Variants in NUDC observed in about 807,000 individuals in gnomAD.
The protein encoded by NUDC is nuclear distribution C, dynein complex regulator, also known as nuclear migration protein nudC.
In NUDC, 14 loss-of-function variants were observed where a neutral mutation model predicts 45.0. The observed-to-expected ratio is 0.31, with a 90% CI of 0.21 to 0.49. NUDC has a LOEUF of 0.49. Among genes scored for constraint, NUDC ranks in the 20% least tolerant of loss-of-function variants. The pLI, the probability that NUDC is intolerant of heterozygous loss-of-function variation, is 0.99. For synonymous variants in NUDC, 153 were observed against 156.7 expected, an observed-to-expected ratio of 0.98 and a Z score of 0.17; for missense variants, 323 against 426.2, an observed-to-expected ratio of 0.76 and a Z score of 2.13.
upstream of NUDC, among the ~76,000 whole-genome samples, chr1:26,921,281 G>A (rs1177026239): frequency 6.6e-6 from 1 of 152,192 alleles, no homozygotes; most frequent in Non-Finnish European, 1.5e-5. Context: ...CCTGGGTGCT[G>A]TGCGACTGCA....
chr1:26,921,782 C>G lies in NUDC; in HGVS notation c.-67C>G. The G allele has an allele frequency of 8.0e-6, 12 of 1,504,724 alleles. No individual in the cohort carries two copies. The highest frequency in any genetic ancestry group is 1.2e-5 in the South Asian group (1 of 83,082). 93.2% of individuals were successfully genotyped at this position (1,504,724 alleles called of 1,614,324 possible). A position where few individuals can be genotyped will look rare whatever the true frequency, so the allele number is the denominator to read the frequency against. On this transcript the variant is annotated 5_prime_UTR_variant, in exon 1 of 9. Transcript: ENST00000321265. ...ACTAGAGTCGTTGGGCCCGGCGCGA[C>G]CCGCAGGAGCGTAGAGAGCGCGGGA... is the stretch of plus-strand genomic sequence containing the variant.
At chr1:26,943,879 A>G (rs1166200825) in intron 6 of NUDC, among the ~76,000 whole-genome samples, 1 of 151,828 alleles carries the variant, frequency 6.6e-6, no homozygotes, top group Non-Finnish European at 1.5e-5. Flanking sequence ...GGCTGCCTTC[A>G]CTCACTCACC....
chr1:26,913,233 G>C (rs2082038737), intron 3 of NUDC, among the ~76,000 whole-genome samples: 1 of 152,116 alleles, frequency 6.6e-6, no homozygotes, highest in South Asian at 2.1e-4. Context: ...GTTGCAGTGA[G>C]CCAAGATCGC....
At chr1:26,906,261 A>G (rs1326804349) in intron 2 of NUDC, among the ~76,000 whole-genome samples, 1 of 151,782 alleles carries the variant, frequency 6.6e-6, no homozygotes, top group African/African-American at 2.4e-5. Context: ...CCTGGGCAAG[A>G]GAGTGAGACT....
intron 3 of NUDC, chr1:26,911,822 A>G: frequency 6.2e-7 from 1 of 1,614,074 alleles, no homozygotes. Context: ...TGCCCACCTG[A>G]TCTCTGCCTG....
At chr1:26,943,938 C>T (rs141390815) in intron 6 of NUDC, among the ~76,000 whole-genome samples, 2,092 of 152,270 alleles carry the variant, frequency 0.014, 49 homozygotes, top group African/African-American at 0.048. Context: ...AGTGCAGTGG[C>T]GCGATCTCGG....
At chr1:26,941,882 C>G (rs1054619107) in intron 4 of NUDC, 64 bp downstream of exon 4, 238 of 1,479,844 alleles carry the variant, frequency 1.6e-4, no homozygotes, top group Non-Finnish European at 3.2e-5. Flanking sequence ...AATCTCCTGC[C>G]TACTGCTTTC....
At chr1:26,927,264 C>CGTGTGTTT (rs371488078) in intron 2 of NUDC, among the ~76,000 whole-genome samples, 5 of 91,804 alleles carry the variant, frequency 5.4e-5, no homozygotes, top group South Asian at 4.0e-4. Context: ...AGAGATGAAC[C>CGTGTGTTT]GTGTGTGTGT....
At chr1:26,903,197 CA>C (rs752734461) in intron 2 of NUDC, among the ~76,000 whole-genome samples, 1 of 152,044 alleles carries the variant, frequency 6.6e-6, no homozygotes, top group Non-Finnish European at 1.5e-5. Context: ...TAAAGCCAGT[CA>C]GAAAACACAG....
chr1:26,930,362 G>A (rs1449821526), intron 2 of NUDC, among the ~76,000 whole-genome samples: 1 of 152,140 alleles, frequency 6.6e-6, no homozygotes, highest in Non-Finnish European at 1.5e-5. Flanking sequence ...TAGAGTGGGG[G>A]TTTCACCATC....
chr1:26,946,767 G>A lies in NUDC; in HGVS notation c.*586G>A, dbSNP rs41291052. ...CTCGGGAGGCTGAGGCAGGAGAATC[G>A]CTTGAACCCGGGTGGCGGAGGTTGC... On this transcript the variant is annotated 3_prime_UTR_variant, in exon 9 of 9. Transcript: ENST00000321265. 2.6e-3 allele frequency: 424 copies of A among 161,738 alleles called. 4 individuals are homozygous for A. Among genetic ancestry groups the A allele is most frequent in the Non-Finnish European group, 3.2e-3 (236 of 73,078 alleles). The allele number at this position is 161,738 out of a possible 1,614,324, so 10.0% of individuals were successfully genotyped here.
chr1:26,911,920 C>T, intron 3 of NUDC: 1 of 1,614,152 alleles, frequency 6.2e-7, no homozygotes, highest in Non-Finnish European at 8.5e-7. Flanking sequence ...AGAAGAGGTC[C>T]CCAAGCAGGC....
intron 2 of NUDC, among the ~76,000 whole-genome samples, chr1:26,939,910 C>T (rs1245528643): frequency 3.3e-5 from 5 of 152,100 alleles, no homozygotes; most frequent in South Asian, 2.1e-4. Flanking sequence ...ATCCTCATGA[C>T]GGATAAGGAA....
At chr1:26,900,605 C>G in intron 1 of NUDC, 2 of 636,680 alleles carry the variant, frequency 3.1e-6, no homozygotes, top group Admixed American at 6.1e-5. Context: ...GTTCCTTTCC[C>G]ACAGAGGGAA....
chr1:26,945,286 G>A, intron 6 of NUDC, 104 bp from the exon 7 acceptor site: 1 of 892,518 alleles, frequency 1.1e-6, no homozygotes, highest in Non-Finnish European at 1.9e-6. Context: ...AGGGTCTCAG[G>A]TGCAGGATGT....
intron 2 of NUDC, chr1:26,911,014 G>A (rs374339247): frequency 3.1e-5 from 13 of 413,298 alleles, no homozygotes; most frequent in East Asian, 2.3e-4. Flanking sequence ...AATCCTGGTG[G>A]TCCAGCTAAA....
chr1:26,935,753 A>C (rs1466733105), intron 2 of NUDC, among the ~76,000 whole-genome samples: 6 of 151,890 alleles, frequency 4.0e-5, no homozygotes, highest in Admixed American at 1.3e-4. Context: ...CGATTGTTTG[A>C]TTCCTAATTC....
rs543760532 is a variant in NUDC at position 26,933,882 on chromosome 1, C to T, written c.160-7575C>T. Among the ~76,000 whole-genome samples, 359 of 152,192 alleles carry T rather than the reference C, an allele frequency of 2.4e-3. 4 individuals carry two copies. The highest frequency in any genetic ancestry group is 3.6e-3 in the African/African-American group (149 of 41,522). ...AAGAAAAGAGGATTACGGCTGGGCA[C>T]GGTGGCTCACGCCTGTAATCCCACC... On this transcript the variant is annotated intron_variant, in intron 2 of 8. Transcript: ENST00000321265.
In NUDC at chr1:26,924,075, T is replaced by A. The variant is rs747187158; in HGVS notation, c.82-14T>A. 1 of 1,613,084 alleles carries A rather than the reference T, an allele frequency of 6.2e-7. No homozygotes were observed. Among genetic ancestry groups the A allele is most frequent in the Non-Finnish European group, 8.5e-7 (1 of 1,179,352 alleles). ...ATGCAGCTCTACTACTTTAATCTTC[T>A]CCCCCTCTTTCAGCTTGTGAACACC... On this transcript the variant is annotated splice_polypyrimidine_tract_variant and intron_variant, in intron 1 of 8. Transcript: ENST00000321265.
Sources: allele counts gnomAD v4.1 joint callset (sites outside exome capture counted in the v4.1 genomes callset), GRCh38; gene constraint gnomAD v4.1.1; transcripts MANE v1.5; gene names NCBI Gene and HGNC (gene_info 2026-07-23, HGNC 2026-07-21).